SFRP1: variants seen among roughly 807,000 people sequenced by gnomAD.
SFRP1 encodes secreted frizzled-related protein 1.
Under a neutral mutation model 25.9 loss-of-function variants are expected in SFRP1, and 9 were observed. The observed-to-expected ratio is 0.35, with a 90% CI of 0.21 to 0.61. The LOEUF (loss-of-function observed/expected upper bound fraction) is 0.61. Among genes scored for constraint, SFRP1 ranks in the 20% least tolerant of loss-of-function variants. The pLI is 0.78. For synonymous variants in SFRP1, 178 were observed against 174.0 expected, an observed-to-expected ratio of 1.02 and a Z score of -0.18; for missense variants, 346 against 418.2, an observed-to-expected ratio of 0.83 and a Z score of 1.51.
intron 2 of SFRP1, among the ~76,000 whole-genome samples, chr8:41,299,585 G>GAGGTCAGGAGTTCA (rs1289101446): frequency 2.9e-4 from 39 of 132,664 alleles, no homozygotes; most frequent in Non-Finnish European, 3.8e-4. Context: ...GGGATCGCTT[G>GAGGTCAGGAGTTCA]AGCCCGGGGG....
intron 1 of SFRP1, among the ~76,000 whole-genome samples, chr8:41,308,224 C>A (rs1265972827): frequency 6.6e-6 from 1 of 152,240 alleles, no homozygotes; most frequent in Non-Finnish European, 1.5e-5. Flanking sequence ...AGGTTAAAAA[C>A]TTCGATAGGG....
chr8:41,287,246 T>A (rs7830865), intron 2 of SFRP1, among the ~76,000 whole-genome samples: 1,945 of 152,246 alleles, frequency 0.013, 42 homozygotes, highest in African/African-American at 0.044. Flanking sequence ...TTGAAGGGGT[T>A]ATATAGGGAA....
At position 41,265,385 on chromosome 8, in the gene SFRP1, G is replaced by T; in HGVS notation, c.727C>A (p.Leu243Met). 1.2e-6 allele frequency: 2 copies of T among 1,613,948 alleles called. No homozygotes were observed. The highest frequency in any genetic ancestry group is 1.7e-6 in the Non-Finnish European group (2 of 1,180,014). The change falls in exon 3 of 3, where the codon CTG (leucine) becomes ATG (methionine). Residue 243 changes from leucine to methionine, a missense_variant. Leu to Met is a conservative substitution (Grantham distance 15). Coordinates refer to ENST00000220772, the MANE Select transcript of SFRP1 (RefSeq NM_003012.5). ...LKLGPIKKKD[L>M]KKLVLYLKNG... ...TTCAGGTACAGCACAAGCTTCTTCA[G>T]GTCCTTCTTCTTGATGGGCCCCAAC...
intron 2 of SFRP1, chr8:41,298,021 T>G (rs768097386): frequency 2.0e-5 from 3 of 152,066 alleles, no homozygotes; most frequent in Non-Finnish European, 4.4e-5. Context: ...CCAGGTAGAG[T>G]GCTCTTGGGT....
chr8:41,287,481 G>A lies in SFRP1; in HGVS notation c.622+15980C>T, dbSNP rs528131199. ...TGTGCCACTGCAGGCTGGTGGCCCC[G>A]ATGCATCCATCCCACCTGCACCAGG... On this transcript the variant is annotated intron_variant, in intron 2 of 2. Coordinates refer to ENST00000220772, the MANE Select transcript of SFRP1 (RefSeq NM_003012.5). Among the ~76,000 whole-genome samples, 62 of 152,284 alleles carry A rather than the reference G, an allele frequency of 4.1e-4. No homozygotes were observed. In the South Asian group the frequency reaches 9.7e-3, roughly 24 times the overall value.
chr8:41,287,829 C>T (rs1803724415), intron 2 of SFRP1, among the ~76,000 whole-genome samples: 1 of 152,154 alleles, frequency 6.6e-6, no homozygotes, highest in African/African-American at 2.4e-5. Context: ...GGGAAGGGAC[C>T]ACAAGGGATG....
At chr8:41,294,593 G>C (rs1322375359) in intron 2 of SFRP1, among the ~76,000 whole-genome samples, 2 of 152,120 alleles carry the variant, frequency 1.3e-5, no homozygotes, top group Admixed American at 6.5e-5. Context: ...TGTAAATGAT[G>C]TCCCTTAATT....
At chr8:41,308,483 G>A in intron 1 of SFRP1, 133 bp downstream of exon 1, 2 of 710,152 alleles carry the variant, frequency 2.8e-6, no homozygotes, top group Non-Finnish European at 4.6e-6. Context: ...CACAGCATGC[G>A]AGCAACCTCG....
chr8:41,287,575 A>G (rs951540016), intron 2 of SFRP1, among the ~76,000 whole-genome samples: 2 of 152,214 alleles, frequency 1.3e-5, no homozygotes, highest in Non-Finnish European at 2.9e-5. Flanking sequence ...GGATTTTTCA[A>G]GCATCCTTTC....
At chr8:41,272,742 C>T (rs536348081) in intron 2 of SFRP1, among the ~76,000 whole-genome samples, 4 of 152,202 alleles carry the variant, frequency 2.6e-5, no homozygotes, top group African/African-American at 9.6e-5. Flanking sequence ...AGAGTTTCAA[C>T]ATCTGAGAAA....
chr8:41,299,709 CCT>C (rs1803891996), intron 2 of SFRP1, among the ~76,000 whole-genome samples: 1 of 150,776 alleles, frequency 6.6e-6, no homozygotes, highest in Non-Finnish European at 1.5e-5. Flanking sequence ...TCCCACATCC[CCT>C]GTCATTCATA....
At chr8:41,286,931 T>A (rs2117500542) in intron 2 of SFRP1, among the ~76,000 whole-genome samples, 1 of 152,310 alleles carries the variant, frequency 6.6e-6, no homozygotes, top group South Asian at 2.1e-4. Context: ...AAGCGTGGCA[T>A]CTGAAGGGCT....
At chr8:41,284,929 G>C (rs572699235) in intron 2 of SFRP1, among the ~76,000 whole-genome samples, 16 of 152,304 alleles carry the variant, frequency 1.1e-4, no homozygotes, top group Non-Finnish European at 2.2e-4. Flanking sequence ...TCTTCCCTCA[G>C]GTCAGACACT....
At position 41,265,134 on chromosome 8, in the gene SFRP1, CGAG is replaced by C; in HGVS notation, c.*30_*32del. Reference sequence around the variant, plus strand: ...CTGTCCCCCCCGCTCCCACCCCACCCGAGGCTCCCTCCCCACCCTGCCCCCGGG... The same window carrying C: ...CTGTCCCCCCCGCTCCCACCCCACCCGCTCCCTCCCCACCCTGCCCCCGGG... On this transcript the variant is annotated 3_prime_UTR_variant, in exon 3 of 3. Coordinates refer to ENST00000220772, the MANE Select transcript of SFRP1 (RefSeq NM_003012.5). The C allele has an allele frequency of 5.4e-6, 4 of 745,300 alleles. No individual in the cohort carries two copies. Among genetic ancestry groups the C allele is most frequent in the East Asian group, 3.1e-5 (1 of 32,774 alleles). 46.2% of individuals were successfully genotyped at this position (745,300 alleles called of 1,614,324 possible). A position where few individuals can be genotyped will look rare whatever the true frequency, so the allele number is the denominator to read the frequency against.
chr8:41,308,598 G>A lies in SFRP1; in HGVS notation c.544+18C>T. On this transcript the variant is annotated intron_variant, in intron 1 of 2. Coordinates refer to ENST00000220772, the MANE Select transcript of SFRP1 (RefSeq NM_003012.5). ...GATGGAGGGGGCGGCTCGCGCACGT[G>A]GGAGGAGGCAGCCTTACCTTGGGGC... 2 of 1,558,342 alleles carry A rather than the reference G, an allele frequency of 1.3e-6. No individual in the cohort carries two copies. Among genetic ancestry groups the A allele is most frequent in the Non-Finnish European group, 1.7e-6 (2 of 1,144,788 alleles).
intron 2 of SFRP1, among the ~76,000 whole-genome samples, chr8:41,288,412 C>T (rs1021182490): frequency 1.3e-5 from 2 of 151,594 alleles, no homozygotes; most frequent in Non-Finnish European, 2.9e-5. Context: ...ATGCTATGCA[C>T]CTGCAGTCCC....
At chr8:41,283,987 C>G (rs1184164867) in intron 2 of SFRP1, among the ~76,000 whole-genome samples, 1 of 152,176 alleles carries the variant, frequency 6.6e-6, no homozygotes, top group Non-Finnish European at 1.5e-5. Context: ...GGTGTCCTAG[C>G]TGGGCCAGGG....
Position 41,262,153 on chromosome 8 carries a change from A to C in SFRP1, c.*3014T>G, listed in dbSNP as rs1449629630. ...TTTTCACAGTATTCAAAGCTTTTGT[A>C]AGAGACTTAGGATCTAAAAGAGGAG... is the stretch of plus-strand genomic sequence containing the variant. On this transcript the variant is annotated 3_prime_UTR_variant, in exon 3 of 3. Coordinates refer to ENST00000220772, the MANE Select transcript of SFRP1 (RefSeq NM_003012.5). The C allele has an allele frequency of 6.6e-6, 1 of 152,534 alleles. No homozygotes were observed. Among genetic ancestry groups the C allele is most frequent in the Admixed American group, 6.5e-5 (1 of 15,282 alleles). The allele number at this position is 152,534 out of a possible 1,614,324, so 9.4% of individuals were successfully genotyped here.
intron 2 of SFRP1, among the ~76,000 whole-genome samples, chr8:41,283,667 TCTC>T (rs1231127732): frequency 6.6e-6 from 1 of 151,602 alleles, no homozygotes; most frequent in Non-Finnish European, 1.5e-5. Context: ...TTCAAGTGAT[TCTC>T]CTGCCTCAGC....
Sources: allele counts gnomAD v4.1 joint callset (sites outside exome capture counted in the v4.1 genomes callset), GRCh38; gene constraint gnomAD v4.1.1; transcripts MANE v1.5; gene names NCBI Gene and HGNC (gene_info 2026-07-23, HGNC 2026-07-21).